TCF4: variants seen among roughly 807,000 people sequenced by gnomAD.
TCF4 encodes the protein transcription factor 4, also known as SL3-3 enhancer factor 2.
In TCF4, 3 loss-of-function variants were observed where a neutral mutation model predicts 82.1. That is an observed-to-expected ratio of 0.04 (90% CI 0.02 to 0.09). TCF4 has a LOEUF of 0.09. TCF4 is among the 10% of genes least tolerant of loss of function. The pLI is 1.00. For missense variants in TCF4, 518 were observed against 852.7 expected, an observed-to-expected ratio of 0.61 and a Z score of 4.89; for synonymous variants, 276 against 309.6, an observed-to-expected ratio of 0.89 and a Z score of 1.14.
intron 2 of TCF4, chr18:55,586,205 A>AGCGGCG (rs2097649297): frequency 1.2e-6 from 1 of 847,826 alleles, no homozygotes; most frequent in Admixed American, 3.2e-5. Flanking sequence ...CAGCAGCAGC[A>AGCGGCG]GCAGCAGCAG....
intron 3 of TCF4, among the ~76,000 whole-genome samples, chr18:55,540,970 C>A (rs2097160257): frequency 6.6e-6 from 1 of 151,898 alleles, no homozygotes; most frequent in African/African-American, 2.4e-5. Context: ...AGACTTCAGC[C>A]ATTGCTAAGG....
intron 9 of TCF4, among the ~76,000 whole-genome samples, chr18:55,276,672 GT>G (rs1424272155): frequency 6.6e-6 from 1 of 151,974 alleles, no homozygotes; most frequent in Non-Finnish European, 1.5e-5. Flanking sequence ...TTTTTTCTTT[GT>G]TTCAATAGTT....
chr18:55,376,318 G>T (rs1005247969), intron 6 of TCF4, among the ~76,000 whole-genome samples: 2 of 152,054 alleles, frequency 1.3e-5, no homozygotes, highest in Admixed American at 1.3e-4. Flanking sequence ...AAGCCACCGT[G>T]CCCGGACAAT....
chr18:55,241,095 A>G (rs1261076), intron 15 of TCF4, among the ~76,000 whole-genome samples: 82,261 of 152,114 alleles, frequency 0.54, 23,278 homozygotes, highest in African/African-American at 0.72. Context: ...TGTCTATCAT[A>G]TGATCAGCTG....
chr18:55,617,263 T>A (rs604599), intron 2 of TCF4, among the ~76,000 whole-genome samples: 1 of 152,128 alleles, frequency 6.6e-6, no homozygotes, highest in Non-Finnish European at 1.5e-5. Context: ...TGCATACCTT[T>A]ATTTCCAGGT....
At chr18:55,252,196 C>A (rs1379046780) in intron 15 of TCF4, among the ~76,000 whole-genome samples, 2 of 151,980 alleles carry the variant, frequency 1.3e-5, no homozygotes, top group Admixed American at 6.6e-5. Context: ...GACTGCAAAA[C>A]CCCATTTGGT....
intron 3 of TCF4, among the ~76,000 whole-genome samples, chr18:55,560,584 G>T (rs2097346606): frequency 6.6e-6 from 1 of 152,036 alleles, no homozygotes; most frequent in Admixed American, 6.6e-5. Flanking sequence ...TCATGCCTAG[G>T]CAACTGACAT....
At chr18:55,528,138 T>C (rs1444414734) in intron 3 of TCF4, among the ~76,000 whole-genome samples, 5 of 152,230 alleles carry the variant, frequency 3.3e-5, no homozygotes, top group Admixed American at 2.6e-4. Flanking sequence ...AAGACTGCTA[T>C]TTCTCCTACC....
At chr18:55,319,932 C>T (rs1392226740) in intron 8 of TCF4, among the ~76,000 whole-genome samples, 2 of 152,052 alleles carry the variant, frequency 1.3e-5, no homozygotes, top group African/African-American at 4.8e-5. Flanking sequence ...ATTGGTAATC[C>T]TGAAAGATAA....
At chr18:55,357,287 G>GAC (rs2083798308) in intron 6 of TCF4, among the ~76,000 whole-genome samples, 1 of 152,072 alleles carries the variant, frequency 6.6e-6, no homozygotes, top group African/African-American at 2.4e-5. Flanking sequence ...AAAACATTGA[G>GAC]ACAATCAGTA....
At chr18:55,231,257 A>G (rs910224329) in intron 17 of TCF4, 4 of 152,220 alleles carry the variant, frequency 2.6e-5, no homozygotes, top group African/African-American at 9.6e-5. Flanking sequence ...ACATCCAACA[A>G]ATGCTACACC....
intron 3 of TCF4, among the ~76,000 whole-genome samples, chr18:55,527,785 A>C (rs565718346): frequency 2.6e-5 from 4 of 152,306 alleles, no homozygotes; most frequent in African/African-American, 9.6e-5. Context: ...CAAGATTTTC[A>C]ATTGCCAAGA....
chr18:55,464,945 T>C (rs1011367170), intron 3 of TCF4, among the ~76,000 whole-genome samples: 2 of 152,230 alleles, frequency 1.3e-5, no homozygotes, highest in African/African-American at 4.8e-5. Flanking sequence ...ACGCTCCAAA[T>C]GGCAAATACG....
chr18:55,340,922 T>C lies in TCF4; in HGVS notation c.549+9437A>G, dbSNP rs117972580. Among the ~76,000 whole-genome samples the C allele has an allele frequency of 1.8e-3, 272 of 152,228 alleles. 4 individuals are homozygous for C. The highest frequency in any genetic ancestry group is 0.017 in the East Asian group (87 of 5,176). Reference sequence around the variant, plus strand: ...GTGACATAGCCCCCTAAAAACCCAGTTGATCAGATTTCATACTCTAACCAC... The same window carrying C: ...GTGACATAGCCCCCTAAAAACCCAGCTGATCAGATTTCATACTCTAACCAC... On this transcript the variant is annotated intron_variant, in intron 8 of 19. Coordinates refer to ENST00000354452, the MANE Select transcript of TCF4 (RefSeq NM_001083962.2).
intron 8 of TCF4, among the ~76,000 whole-genome samples, chr18:55,332,710 A>G (rs2077824485): frequency 6.6e-6 from 1 of 152,198 alleles, no homozygotes; most frequent in Non-Finnish European, 1.5e-5. Context: ...TGTGCTATAA[A>G]TATTTGTGAA....
At chr18:55,540,984 TTGTG>T (rs1183015596) in intron 3 of TCF4, among the ~76,000 whole-genome samples, 1 of 151,994 alleles carries the variant, frequency 6.6e-6, no homozygotes, top group African/African-American at 2.4e-5. Context: ...GCTAAGGTAA[TTGTG>T]TGTTTGTGCC....
chr18:55,330,226 G>A (rs890242486), intron 8 of TCF4, among the ~76,000 whole-genome samples: 1 of 142,592 alleles, frequency 7.0e-6, no homozygotes. Flanking sequence ...CTGTTGCCAG[G>A]CTGGAGTGCA....
At chr18:55,350,549 G>A (rs903274406) in intron 7 of TCF4, 141 bp from the exon 8 acceptor site, 2 of 885,474 alleles carry the variant, frequency 2.3e-6, no homozygotes, top group South Asian at 2.9e-5. Flanking sequence ...GATCACATTC[G>A]ATTCTAGCAG....
chr18:55,462,616 G>A (rs1199432005), intron 4 of TCF4, among the ~76,000 whole-genome samples: 1 of 152,208 alleles, frequency 6.6e-6, no homozygotes, highest in African/African-American at 2.4e-5. Flanking sequence ...AAATTAAGAT[G>A]ATTCTAAACA....
Sources: allele counts gnomAD v4.1 joint callset (sites outside exome capture counted in the v4.1 genomes callset), GRCh38; gene constraint gnomAD v4.1.1; transcripts MANE v1.5; gene names NCBI Gene and HGNC (gene_info 2026-07-23, HGNC 2026-07-21).